Variants in ATP11B observed in about 807,000 individuals in gnomAD.
ATP11B encodes ATPase phospholipid transporting 11B (putative), also known as phospholipid-transporting ATPase IF.
Under a neutral mutation model 157.8 loss-of-function variants are expected in ATP11B, and 81 were observed. The ratio of observed to expected loss-of-function variants is 0.51; its 90% CI spans 0.43 to 0.62. The LOEUF is 0.62. ATP11B is among the 20% of genes least tolerant of loss of function. ATP11B has a pLI of 0.00. For missense variants in ATP11B, 1,165 were observed against 1,402.2 expected (o/e 0.83, Z 2.70); for synonymous variants, 451 against 469.4 (o/e 0.96, Z 0.51).
intron 11 of ATP11B, among the ~76,000 whole-genome samples, chr3:182,858,377 A>G (rs368694341): frequency 7.2e-5 from 11 of 152,208 alleles, no homozygotes; most frequent in East Asian, 5.8e-4. Context: ...AAATGGATGT[A>G]TTTTTAATTT....
At chr3:182,831,937 T>G (rs558436170) in intron 4 of ATP11B, among the ~76,000 whole-genome samples, 2 of 152,152 alleles carry the variant, frequency 1.3e-5, no homozygotes, top group Non-Finnish European at 2.9e-5. Flanking sequence ...CATGCACATA[T>G]TGGGCCTTCA....
chr3:182,914,819 T>A (rs2108598633), intron 29 of ATP11B: 3 of 985,354 alleles, frequency 3.0e-6, no homozygotes, highest in Non-Finnish European at 3.6e-6. Flanking sequence ...TAGAGGATGT[T>A]AGGGGGTAGA....
intron 1 of ATP11B, among the ~76,000 whole-genome samples, chr3:182,796,868 A>C (rs1432044180): frequency 6.6e-6 from 1 of 152,242 alleles, no homozygotes; most frequent in African/African-American, 2.4e-5. Context: ...ATGAGTAATT[A>C]CACAAAAACA....
chr3:182,918,145 C>T lies in ATP11B; in HGVS notation c.*41C>T. ...TTGTGGGAGCCAGTTCACCTCCTTT[C>T]CTAAAATTCAGTGTGATCACCCTGT... On this transcript the variant is annotated 3_prime_UTR_variant, in exon 30 of 30. Coordinates refer to ENST00000323116, the MANE Select transcript of ATP11B (RefSeq NM_014616.3). The T allele has an allele frequency of 6.2e-7, 1 of 1,608,830 alleles. No individual in the cohort carries two copies. Among genetic ancestry groups the T allele is most frequent in the Non-Finnish European group, 8.5e-7 (1 of 1,177,606 alleles).
chr3:182,800,037 G>C (rs1715891357), intron 1 of ATP11B, among the ~76,000 whole-genome samples: 1 of 151,926 alleles, frequency 6.6e-6, no homozygotes. Flanking sequence ...TTGAACACAG[G>C]AGTTCAAGGC....
chr3:182,879,578 CTATT>C lies in ATP11B; in HGVS notation c.2339_2342del (p.Phe780TrpfsTer23). 1 of 1,614,088 alleles carries C rather than the reference CTATT, an allele frequency of 6.2e-7. No individual in the cohort carries two copies. The highest frequency in any genetic ancestry group is 8.5e-7 in the Non-Finnish European group (1 of 1,179,974). Reference sequence around the variant, plus strand: ...TCTTGCACTCAGGGAGCATGAAAAACTATTTATGGAAGTTTGCAGAAATTGTTCA... The same window carrying C: ...TCTTGCACTCAGGGAGCATGAAAAACTATGGAAGTTTGCAGAAATTGTTCA... On this transcript the variant is annotated frameshift_variant, in exon 20 of 30. Coordinates refer to ENST00000323116, the MANE Select transcript of ATP11B (RefSeq NM_014616.3). LOFTEE classifies it high-confidence loss of function.
At chr3:182,884,239 T>C (rs1722648943) in intron 21 of ATP11B, among the ~76,000 whole-genome samples, 1 of 152,086 alleles carries the variant, frequency 6.6e-6, no homozygotes, top group Non-Finnish European at 1.5e-5. Context: ...TGATATTGCT[T>C]ATTTTTAAAA....
chr3:182,872,506 A>T lies in ATP11B; in HGVS notation c.2017A>T (p.Ile673Leu). 6.2e-7 allele frequency: 1 copy of T among 1,613,714 alleles called. No individual in the cohort carries two copies. The highest frequency in any genetic ancestry group is 8.5e-7 in the Non-Finnish European group (1 of 1,179,904). ...AVFQFIEKDL[I>L]LLGATAVEDR... is the part of the protein sequence containing the mutation. Reference sequence around the variant, plus strand: ...TTTCCAGTTCATAGAGAAAGACCTGATATTACTTGGAGCCACAGCAGTAGA... The same window carrying T: ...TTTCCAGTTCATAGAGAAAGACCTGTTATTACTTGGAGCCACAGCAGTAGA... Residue 673 changes from isoleucine to leucine, a missense_variant, in exon 18 of 30, where the codon ATA becomes TTA. Ile to Leu is a conservative substitution (Grantham distance 5). Transcript: ENST00000323116.
intron 3 of ATP11B, among the ~76,000 whole-genome samples, chr3:182,828,812 A>C (rs185999486): frequency 1.3e-5 from 2 of 152,032 alleles, no homozygotes; most frequent in African/African-American, 4.8e-5. Context: ...AGAGAACTTG[A>C]GTATAAATCA....
intron 25 of ATP11B, 51 bp from the exon 26 acceptor site, chr3:182,896,649 C>T: frequency 6.9e-7 from 1 of 1,455,386 alleles, no homozygotes; most frequent in Non-Finnish European, 9.6e-7. Context: ...TTTTACCTGA[C>T]ATTTAACATT....
intron 29 of ATP11B, 87 bp from the exon 30 acceptor site, chr3:182,917,936 T>G (rs548148461): frequency 6.5e-7 from 1 of 1,542,166 alleles, no homozygotes; most frequent in South Asian, 1.3e-5. Context: ...AGTGATTGCA[T>G]TTGGGTCCTA....
chr3:182,794,290 G>C (rs1055325260), intron 1 of ATP11B, among the ~76,000 whole-genome samples: 1 of 152,212 alleles, frequency 6.6e-6, no homozygotes, highest in Non-Finnish European at 1.5e-5. Flanking sequence ...ATCCAGAGCT[G>C]TGTTGATTCC....
At chr3:182,829,156 C>T (rs1717940959) in intron 3 of ATP11B, among the ~76,000 whole-genome samples, 1 of 152,120 alleles carries the variant, frequency 6.6e-6, no homozygotes, top group African/African-American at 2.4e-5. Context: ...AAATCACTAG[C>T]TAAGATGAAT....
intron 7 of ATP11B, among the ~76,000 whole-genome samples, chr3:182,837,789 G>A (rs994248969): frequency 6.6e-6 from 1 of 151,902 alleles, no homozygotes; most frequent in Non-Finnish European, 1.5e-5. Context: ...TTTCTGAAAG[G>A]AGAGAAAGGA....
chr3:182,855,619 A>C (rs1396600041), intron 10 of ATP11B, among the ~76,000 whole-genome samples: 2 of 152,290 alleles, frequency 1.3e-5, no homozygotes, highest in East Asian at 3.9e-4. Context: ...AATACTTGCA[A>C]ACCACAAATC....
chr3:182,900,252 A>G (rs1723859268), intron 28 of ATP11B, among the ~76,000 whole-genome samples: 1 of 152,224 alleles, frequency 6.6e-6, no homozygotes, highest in Admixed American at 6.5e-5. Flanking sequence ...TCAACAGTTC[A>G]TATCTGTGTC....
At chr3:182,848,431 A>T (rs971565278) in intron 9 of ATP11B, 45 bp from the exon 10 acceptor site, 1 of 1,063,744 alleles carries the variant, frequency 9.4e-7, no homozygotes. Context: ...CTTGTGAAAC[A>T]TGCTAGAGGA....
At chr3:182,877,827 A>G (rs1002850284) in intron 19 of ATP11B, among the ~76,000 whole-genome samples, 8 of 152,202 alleles carry the variant, frequency 5.3e-5, no homozygotes, top group African/African-American at 1.9e-4. Flanking sequence ...CCAGAGATGT[A>G]GGTGCTTTTC....
intron 22 of ATP11B, among the ~76,000 whole-genome samples, 200 bp downstream of exon 22, chr3:182,885,098 C>T (rs1722711380): frequency 6.6e-6 from 1 of 152,076 alleles, no homozygotes; most frequent in Non-Finnish European, 1.5e-5. Context: ...CAAATTAGAA[C>T]ATAGTACATT....
Sources: gnomAD v4.1 joint callset for allele counts (sites outside exome capture counted in the v4.1 genomes callset) on GRCh38, gnomAD v4.1.1 for gene constraint, MANE v1.5 for transcripts, NCBI Gene and HGNC (gene_info 2026-07-23, HGNC 2026-07-21) for gene names.